MEAF6: variants seen among roughly 807,000 people sequenced by gnomAD.
The protein encoded by MEAF6 is chromatin modification-related protein MEAF6.
MEAF6 carries 15 observed loss-of-function variants against 28.9 expected under a neutral mutation model. That is an observed-to-expected ratio of 0.52 (90% CI 0.35 to 0.80). The LOEUF (loss-of-function observed/expected upper bound fraction) is 0.80. Among genes scored for constraint, MEAF6 ranks in the 30% least tolerant of loss-of-function variants. The pLI is 0.01. For missense variants in MEAF6, 178 were observed against 237.5 expected, an observed-to-expected ratio of 0.75 and a Z score of 1.65; for synonymous variants, 97 against 88.7, an observed-to-expected ratio of 1.09 and a Z score of -0.53.
chr1:37,503,485 CTATAAAAACAAAAATTAAAAA>C (rs1309964329), intron 4 of MEAF6, among the ~76,000 whole-genome samples: 1 of 151,834 alleles, frequency 6.6e-6, no homozygotes, highest in Non-Finnish European at 1.5e-5. Flanking sequence ...ACCCTCATCT[CTATAAAAACAAAAATTAAAAA>C]TTAGCCAGAC....
chr1:37,499,081 G>A (rs768313442), intron 5 of MEAF6, among the ~76,000 whole-genome samples: 3 of 151,988 alleles, frequency 2.0e-5, no homozygotes, highest in Non-Finnish European at 4.4e-5. Flanking sequence ...AGCCCAGGAG[G>A]TCAAAGCTGC....
At position 37,490,235 on chromosome 1, in the gene MEAF6, A is replaced by G. The variant is rs1641883341; in HGVS notation, c.*3864T>C. Among the ~76,000 whole-genome samples, 1 of 151,690 alleles carries G rather than the reference A, an allele frequency of 6.6e-6. No homozygotes were observed. The highest frequency in any genetic ancestry group is 2.1e-4 in the South Asian group (1 of 4,804). On this transcript the variant is annotated 3_prime_UTR_variant, in exon 7 of 7. Transcript: ENST00000296214. ...TGAGGATCAGCATCGACTCCACCACAGCCCACTTTAGTGGTGACAACTTTT... is the reference window on the plus strand; with the variant it reads ...TGAGGATCAGCATCGACTCCACCACGGCCCACTTTAGTGGTGACAACTTTT...
At position 37,499,202 on chromosome 1, in the gene MEAF6, CT is replaced by C. The variant is rs1396175785; in HGVS notation, c.533+2601del. 2.0e-5 allele frequency among the ~76,000 whole-genome samples: 3 copies of C among 152,172 alleles called. No homozygotes were observed. The East Asian group carries it at 5.8e-4, about 29-fold the overall frequency. ...GAAGAGGGCAAATTCAAGTTATTTC[CT>C]TTTGCTTAAGTGCCATATTTATTTC... On this transcript the variant is annotated intron_variant, in intron 5 of 6. Transcript: ENST00000296214.
In MEAF6 at chr1:37,491,696, CAATAAATA is replaced by C. The variant is rs57369458; in HGVS notation, c.*2395_*2402del. Among the ~76,000 whole-genome samples the C allele has an allele frequency of 9.8e-4, 139 of 142,536 alleles. No individual in the cohort carries two copies. In the East Asian group the frequency reaches 0.012, roughly 12 times the overall value. 93.5% of individuals were successfully genotyped at this position (142,536 alleles called of 152,430 possible). Reference sequence around the variant, plus strand: ...CCTGGGTGACAGAGCAAGATCCTGTCAATAAATAAATAAATAAATAAATAAATAAATAA... The same window carrying C: ...CCTGGGTGACAGAGCAAGATCCTGTCAATAAATAAATAAATAAATAAATAA... On this transcript the variant is annotated 3_prime_UTR_variant, in exon 7 of 7. Transcript: ENST00000296214.
intron 6 of MEAF6, 62 bp from the exon 7 acceptor site, chr1:37,494,169 G>T: frequency 7.0e-7 from 1 of 1,432,928 alleles, no homozygotes; most frequent in Non-Finnish European, 9.7e-7. Context: ...TGACCCTAAA[G>T]GAAAAAAAAA....
chr1:37,501,624 T>G, intron 5 of MEAF6, 180 bp downstream of exon 5: 2 of 499,248 alleles, frequency 4.0e-6, no homozygotes, highest in Non-Finnish European at 3.5e-6. Context: ...CCTTGAGGGT[T>G]ACTCTAATGC....
intron 2 of MEAF6, among the ~76,000 whole-genome samples, chr1:37,513,115 C>T (rs910356594): frequency 9.2e-5 from 14 of 152,138 alleles, no homozygotes; most frequent in African/African-American, 3.1e-4. Flanking sequence ...AAGAAAAATA[C>T]TGTGAGGGTA....
Position 37,493,578 on chromosome 1 carries a change from C to G in MEAF6, c.*521G>C, listed in dbSNP as rs1488881329. ...TGAAAGAGATGATCAGATATGTCAG[C>G]AGGAAAGTATGAGCTGTACAAAGGC... On this transcript the variant is annotated 3_prime_UTR_variant, in exon 7 of 7. Coordinates refer to ENST00000296214, the MANE Select transcript of MEAF6 (RefSeq NM_001270875.3). 1.2e-5 allele frequency: 7 copies of G among 585,902 alleles called. No individual in the cohort carries two copies. The East Asian group carries it at 2.1e-4, about 18-fold the overall frequency. 36.3% of individuals were successfully genotyped at this position (585,902 alleles called of 1,614,324 possible).
chr1:37,499,333 T>A (rs893204904), intron 5 of MEAF6, among the ~76,000 whole-genome samples: 5 of 152,172 alleles, frequency 3.3e-5, no homozygotes, highest in African/African-American at 1.2e-4. Flanking sequence ...TATGGCACAC[T>A]GGAGGATAAA....
At chr1:37,503,518 T>C (rs773663831) in intron 4 of MEAF6, among the ~76,000 whole-genome samples, 2 of 151,790 alleles carry the variant, frequency 1.3e-5, no homozygotes, top group Non-Finnish European at 2.9e-5. Flanking sequence ...TAGCCAGACA[T>C]GGTGGCACAT....
intron 4 of MEAF6, among the ~76,000 whole-genome samples, chr1:37,506,343 CA>C (rs1428592945): frequency 6.6e-6 from 1 of 151,836 alleles, no homozygotes; most frequent in African/African-American, 2.4e-5. Flanking sequence ...GAAAATCTAA[CA>C]AAAACAAATA....
At chr1:37,495,684 C>CAAAAAAAAAAA (rs376230589) in intron 6 of MEAF6, among the ~76,000 whole-genome samples, 25 of 70,460 alleles carry the variant, frequency 3.5e-4, no homozygotes, top group Non-Finnish European at 4.0e-4. Flanking sequence ...AACTGTCTCT[C>CAAAAAAAAAAA]AAAAAAAAAA....
intron 6 of MEAF6, 84 bp from the exon 7 acceptor site, chr1:37,494,191 A>G (rs1210349313): frequency 6.8e-6 from 8 of 1,168,870 alleles, no homozygotes; most frequent in Non-Finnish European, 1.0e-5. Context: ...TCTCATAAAC[A>G]ACTCTACTAG....
intron 2 of MEAF6, among the ~76,000 whole-genome samples, chr1:37,512,825 G>A (rs992180207): frequency 1.3e-5 from 2 of 152,186 alleles, no homozygotes; most frequent in East Asian, 1.9e-4. Flanking sequence ...CCAGGAGTCT[G>A]AGGCTGCAGT....
In MEAF6 at chr1:37,492,650, A is replaced by T. The variant is rs973094049; in HGVS notation, c.*1449T>A. 1 of 152,404 alleles carries T rather than the reference A, an allele frequency of 6.6e-6. No individual in the cohort carries two copies. Among genetic ancestry groups the T allele is most frequent in the African/African-American group, 2.4e-5 (1 of 41,394 alleles). 9.4% of individuals were successfully genotyped at this position (152,404 alleles called of 1,614,324 possible). A position where few individuals can be genotyped will look rare whatever the true frequency, so the allele number is the denominator to read the frequency against. ...ATCTGACAAGGTAGACTTGTTTTAC[A>T]GTAGATGCCATCCATATTCAGCCCT... On this transcript the variant is annotated 3_prime_UTR_variant, in exon 7 of 7. Coordinates refer to ENST00000296214, the MANE Select transcript of MEAF6 (RefSeq NM_001270875.3).
intron 5 of MEAF6, among the ~76,000 whole-genome samples, chr1:37,499,497 C>A (rs1642228016): frequency 6.6e-6 from 1 of 152,154 alleles, no homozygotes; most frequent in African/African-American, 2.4e-5. Context: ...AGTCCAAGAG[C>A]CTTAACTGAC....
chr1:37,506,332 A>C (rs1642481358), intron 4 of MEAF6, among the ~76,000 whole-genome samples: 1 of 152,234 alleles, frequency 6.6e-6, no homozygotes, highest in African/African-American at 2.4e-5. Flanking sequence ...TGACCAAAAA[A>C]GAAAATCTAA....
chr1:37,509,482 G>C lies in MEAF6; in HGVS notation c.267C>G (p.Phe89Leu). 1 of 1,614,106 alleles carries C rather than the reference G, an allele frequency of 6.2e-7. No individual in the cohort carries two copies. Among genetic ancestry groups the C allele is most frequent in the African/African-American group, 1.3e-5 (1 of 75,040 alleles). ...CTGCTGAGGTAACCGAGGATTTACT[G>C]AAGAGCCGCTCAGCTTCCTTAAACT... Reference protein sequence around the residue: ...NRKFKEAERLFSKSSVTSAAA... With the variant: ...NRKFKEAERLLSKSSVTSAAA... Residue 89 changes from phenylalanine to leucine, a missense_variant, in exon 3 of 7, where the codon TTC becomes TTG. Transcript: ENST00000296214.
At chr1:37,514,541 G>A (rs1642777447) in intron 1 of MEAF6, 116 bp downstream of exon 1, 4 of 702,018 alleles carry the variant, frequency 5.7e-6, no homozygotes, top group African/African-American at 1.9e-5. Flanking sequence ...CCGAGCACCC[G>A]GCCCGCCGCG....
Sources: gnomAD v4.1 joint callset for allele counts (sites outside exome capture counted in the v4.1 genomes callset) on GRCh38, gnomAD v4.1.1 for gene constraint, MANE v1.5 for transcripts, NCBI Gene and HGNC (gene_info 2026-07-23, HGNC 2026-07-21) for gene names.